OXCT1: variants seen among roughly 807,000 people sequenced by gnomAD.
The protein encoded by OXCT1 is 3-oxoacid CoA-transferase 1.
In OXCT1, 27 loss-of-function variants were observed where a neutral mutation model predicts 69.6. That is an observed-to-expected ratio of 0.39 (90% CI 0.29 to 0.54). The LOEUF (loss-of-function observed/expected upper bound fraction) is 0.54, where lower values mean the gene tolerates loss of function less well. Among genes scored for constraint, OXCT1 ranks in the 20% least tolerant of loss-of-function variants. OXCT1 has a pLI of 0.72. For missense variants in OXCT1, 437 were observed against 650.2 expected (o/e 0.67, Z 3.57); for synonymous variants, 202 against 217.8 (o/e 0.93, Z 0.64).
At chr5:41,756,472 G>A (rs1744080021) in intron 14 of OXCT1, among the ~76,000 whole-genome samples, 1 of 151,982 alleles carries the variant, frequency 6.6e-6, no homozygotes, top group Non-Finnish European at 1.5e-5. Context: ...ATGAAATTCT[G>A]CCTCTAGAAA....
Position 41,870,281 on chromosome 5 carries a change from C to T in OXCT1, c.78G>A (p.Lys26=). Residue 26 remains lysine, a splice_region_variant and synonymous_variant, in exon 1 of 17, where the codon AAG becomes AAA. Coordinates refer to ENST00000196371, the MANE Select transcript of OXCT1 (RefSeq NM_000436.4). This position sits in a 1 kb window ranked among gnomAD's most constrained non-coding sequence, Gnocchi z 4.2. ...GCCTTCCTCTTCCCCCGCACTTTAC[C>T]TTGTACCAGGTTGCCCCAGATCCGC... ...SARGSGATWY[K]GCVCSFSTSA... is the part of the protein sequence containing the mutation. 1.9e-6 allele frequency: 3 copies of T among 1,613,244 alleles called. No individual in the cohort carries two copies. The highest frequency in any genetic ancestry group is 2.5e-6 in the Non-Finnish European group (3 of 1,179,198).
At chr5:41,752,580 C>T (rs964256062) in intron 14 of OXCT1, among the ~76,000 whole-genome samples, 1 of 151,970 alleles carries the variant, frequency 6.6e-6, no homozygotes, top group Admixed American at 6.6e-5. Flanking sequence ...TAGCAAGACC[C>T]TATTTCTACA....
intron 13 of OXCT1, among the ~76,000 whole-genome samples, chr5:41,791,414 T>C (rs1027270136): frequency 2.6e-5 from 4 of 152,216 alleles, no homozygotes; most frequent in African/African-American, 9.7e-5. Flanking sequence ...CCAAGTTATA[T>C]TGAGAAAAGT....
rs768338847 is a variant in OXCT1 at position 41,843,689 on chromosome 5, C to T, written c.565-908G>A. 175 of 418,096 alleles carry T rather than the reference C, an allele frequency of 4.2e-4. 1 individual carries two copies. Among genetic ancestry groups the T allele is most frequent in the Admixed American group, 7.7e-4 (30 of 38,800 alleles). The allele number at this position is 418,096 out of a possible 1,614,324, so 25.9% of individuals were successfully genotyped here. A position where few individuals can be genotyped will look rare whatever the true frequency, so the allele number is the denominator to read the frequency against. ...TGTGAATGTAGAACTCCATTCTCAT[C>T]CCTACCGCACCCCCTAGTGGAAAAA... is the stretch of plus-strand genomic sequence containing the variant. On this transcript the variant is annotated intron_variant, in intron 5 of 16. Transcript: ENST00000196371.
At position 41,804,443 on chromosome 5, in the gene OXCT1, T is replaced by G. The variant is rs921650920; in HGVS notation, c.955+1124A>C. ...GGAAAGACCACTTGCATAAACTGAC[T>G]TGCAAATATTTTTCACAGGCAATAC... On this transcript the variant is annotated intron_variant, in intron 9 of 16. Transcript: ENST00000196371. Among the ~76,000 whole-genome samples, 6 of 152,194 alleles carry G rather than the reference T, an allele frequency of 3.9e-5. No homozygotes were observed. In the East Asian group the frequency reaches 1.2e-3, roughly 30 times the overall value.
intron 15 of OXCT1, among the ~76,000 whole-genome samples, chr5:41,741,346 G>A (rs555525823): frequency 5.3e-5 from 8 of 152,220 alleles, no homozygotes; most frequent in East Asian, 1.9e-4. Flanking sequence ...ACAGCAACAC[G>A]TAGAGAAAAG....
At chr5:41,857,889 A>G (rs1749505359) in intron 3 of OXCT1, among the ~76,000 whole-genome samples, 1 of 152,226 alleles carries the variant, frequency 6.6e-6, no homozygotes, top group Non-Finnish European at 1.5e-5. Context: ...GATATGATCC[A>G]TTTTACTTTC....
At chr5:41,828,821 A>T (rs1358986276) in intron 7 of OXCT1, among the ~76,000 whole-genome samples, 2 of 152,360 alleles carry the variant, frequency 1.3e-5, no homozygotes, top group East Asian at 1.9e-4. Context: ...CTGTAAATGA[A>T]GGGTCTGCAC....
chr5:41,821,059 C>T (rs1747523158), intron 7 of OXCT1, among the ~76,000 whole-genome samples: 1 of 152,132 alleles, frequency 6.6e-6, no homozygotes, highest in South Asian at 2.1e-4. Flanking sequence ...GTAGCAAATC[C>T]TTAACATTTG....
chr5:41,857,239 G>A (rs1019417586), intron 3 of OXCT1, among the ~76,000 whole-genome samples: 2 of 152,234 alleles, frequency 1.3e-5, no homozygotes, highest in African/African-American at 4.8e-5. Context: ...CATATAAAAT[G>A]TAAGTCAGAA....
At chr5:41,745,339 T>C (rs1743417244) in intron 15 of OXCT1, among the ~76,000 whole-genome samples, 1 of 152,088 alleles carries the variant, frequency 6.6e-6, no homozygotes, top group Admixed American at 6.6e-5. Context: ...AATAAAGATG[T>C]TCTTTGAAAC....
intron 14 of OXCT1, among the ~76,000 whole-genome samples, chr5:41,756,448 G>T (rs1218435768): frequency 1.3e-5 from 2 of 151,954 alleles, no homozygotes; most frequent in Non-Finnish European, 2.9e-5. Flanking sequence ...ATTTTATTGG[G>T]TTACTTAACC....
intron 13 of OXCT1, among the ~76,000 whole-genome samples, chr5:41,785,264 CCT>C (rs1346427455): frequency 1.3e-5 from 2 of 152,092 alleles, no homozygotes; most frequent in Admixed American, 1.3e-4. Context: ...ATTTTTATTC[CCT>C]GTTAGGACAA....
chr5:41,869,718 T>C (rs1329071827), intron 1 of OXCT1, among the ~76,000 whole-genome samples: 2 of 151,840 alleles, frequency 1.3e-5, no homozygotes, highest in East Asian at 1.9e-4. Context: ...CAGAGCCAAA[T>C]AGGGAGGAGA....
intron 16 of OXCT1, among the ~76,000 whole-genome samples, chr5:41,735,008 G>A (rs567270682): frequency 2.0e-5 from 3 of 152,114 alleles, no homozygotes; most frequent in African/African-American, 4.8e-5. Context: ...AATGTAAAAC[G>A]GGGCAAACAT....
rs775385008 is a variant in OXCT1 at position 41,842,800 on chromosome 5, G to C, written c.565-19C>G. 6.1e-6 allele frequency: 9 copies of C among 1,472,810 alleles called. No homozygotes were observed. In the South Asian group the frequency reaches 7.9e-5, roughly 13 times the overall value. The allele number at this position is 1,472,810 out of a possible 1,614,324, so 91.2% of individuals were successfully genotyped here. ...CCCTCACCTGCAGAAGAGGGAGAAG[G>C]CATCATCAGGTATTTGCATAGGTCT... On this transcript the variant is annotated intron_variant, in intron 5 of 16. Coordinates refer to ENST00000196371, the MANE Select transcript of OXCT1 (RefSeq NM_000436.4).
rs1292144415 is a variant in OXCT1, at chr5:41,870,411, T to C, written c.-53A>G. 30 of 1,395,318 alleles carry C rather than the reference T, an allele frequency of 2.2e-5. No individual in the cohort carries two copies. Among genetic ancestry groups the C allele is most frequent in the Non-Finnish European group, 2.2e-5 (22 of 990,664 alleles). The allele number at this position is 1,395,318 out of a possible 1,614,324, so 86.4% of individuals were successfully genotyped here. Reference sequence around the variant, plus strand: ...GCGGGTTGGAGCGCGCGTTTGAGCGTCGGTGCGCGACTGCGAAGGAAACCC... The same window carrying C: ...GCGGGTTGGAGCGCGCGTTTGAGCGCCGGTGCGCGACTGCGAAGGAAACCC... On this transcript the variant is annotated 5_prime_UTR_variant, in exon 1 of 17. Transcript: ENST00000196371. This position sits in a 1 kb window ranked among gnomAD's most constrained non-coding sequence, Gnocchi z 4.2.
chr5:41,805,773 G>T, intron 8 of OXCT1, 92 bp from the exon 9 acceptor site: 1 of 827,334 alleles, frequency 1.2e-6, no homozygotes, highest in South Asian at 1.4e-5. Context: ...AAAAAGATGA[G>T]CTCTCTCCCA....
intron 13 of OXCT1, 108 bp downstream of exon 13, chr5:41,793,895 A>T: frequency 1.3e-6 from 1 of 745,142 alleles, no homozygotes; most frequent in Middle Eastern, 3.7e-4. Flanking sequence ...AATATATATT[A>T]AAATATTTCA....
Sources: allele counts gnomAD v4.1 joint callset (sites outside exome capture counted in the v4.1 genomes callset), GRCh38; gene constraint gnomAD v4.1.1; non-coding constraint Gnocchi (gnomAD v3.1); transcripts MANE v1.5; gene names NCBI Gene and HGNC (gene_info 2026-07-23, HGNC 2026-07-21).